The following RIMS2 variants were observed in gnomAD, a reference collection of about 807,000 sequenced individuals.
RIMS2 encodes regulating synaptic membrane exocytosis 2.
Under a neutral mutation model 174.4 loss-of-function variants are expected in RIMS2, and 59 were observed. That is an observed-to-expected ratio of 0.34 (90% CI 0.27 to 0.42). The LOEUF is 0.42. RIMS2 is among the 10% of genes least tolerant of loss of function. The pLI, the probability that RIMS2 is intolerant of heterozygous loss-of-function variation, is 1.00. For missense variants in RIMS2, 1,620 were observed against 1,666.3 expected (o/e 0.97, Z 0.48); for synonymous variants, 606 against 572.5 (o/e 1.06, Z -0.84).
At chr8:103,843,096 C>T (rs148132720) in intron 3 of RIMS2, among the ~76,000 whole-genome samples, 104 of 152,298 alleles carry the variant, frequency 6.8e-4, no homozygotes, top group Non-Finnish European at 1.2e-3. Flanking sequence ...CAAATATAGT[C>T]ACATTCTGAG....
In RIMS2 at chr8:103,923,281, G is replaced by A. The variant is rs148442232; in HGVS notation, c.2196+1497G>A. ...TAAAACTGTGTGTGTGTGTGCGTGCGTGTCTGTCTGTCTGTGTCTGTGTGT... is the reference window on the plus strand; with the variant it reads ...TAAAACTGTGTGTGTGTGTGCGTGCATGTCTGTCTGTCTGTGTCTGTGTGT... On this transcript the variant is annotated intron_variant, in intron 10 of 23. Coordinates refer to ENST00000504942, the Ensembl canonical transcript of RIMS2. Among the ~76,000 whole-genome samples the A allele has an allele frequency of 9.3e-4, 141 of 151,838 alleles. No individual in the cohort carries two copies. In the East Asian group the frequency reaches 0.02, roughly 22 times the overall value.
chr8:103,686,227 C>G (rs1261677420), intron 1 of RIMS2, among the ~76,000 whole-genome samples: 1 of 151,910 alleles, frequency 6.6e-6, no homozygotes, highest in Non-Finnish European at 1.5e-5. Context: ...GAGGTTTTTT[C>G]TTTCTAGTTT....
chr8:103,809,415 A>G (rs1374347149), intron 3 of RIMS2, among the ~76,000 whole-genome samples: 1 of 152,054 alleles, frequency 6.6e-6, no homozygotes, highest in Non-Finnish European at 1.5e-5. Context: ...GCTATATTAC[A>G]GATAAAAACC....
In RIMS2 at chr8:103,623,478, G is replaced by GTTTTTTTTTTTT. The variant is rs71575976; in HGVS notation, c.177-73595_177-73584dup. Among the ~76,000 whole-genome samples, 21 of 83,238 alleles carry GTTTTTTTTTTTT rather than the reference G, an allele frequency of 2.5e-4. 3 individuals carry two copies. The highest frequency in any genetic ancestry group is 7.6e-4 in the East Asian group (2 of 2,644). The allele number at this position is 83,238 out of a possible 152,430, so 54.6% of individuals were successfully genotyped here. A position where few individuals can be genotyped will look rare whatever the true frequency, so the allele number is the denominator to read the frequency against. On this transcript the variant is annotated intron_variant, in intron 1 of 23. Transcript: ENST00000504942. ...TAAAAATTAAACTAGGGTTTCTTCA[G>GTTTTTTTTTTTT]TTTTTTTTTTTTTTTTTTTTTTTTG...
chr8:103,896,545 A>G (rs547452022), intron 4 of RIMS2, among the ~76,000 whole-genome samples: 2 of 151,826 alleles, frequency 1.3e-5, no homozygotes, highest in South Asian at 4.1e-4. Flanking sequence ...ATTTTTGTGA[A>G]GAGAAATAGT....
At chr8:103,578,325 T>G (rs889973091) in intron 1 of RIMS2, among the ~76,000 whole-genome samples, 12 of 151,008 alleles carry the variant, frequency 7.9e-5, no homozygotes, top group African/African-American at 2.4e-4. Flanking sequence ...AAGTCAGGAG[T>G]TCAAGATCAG....
chr8:104,063,406 T>C (rs2097042561), intron 19 of RIMS2, among the ~76,000 whole-genome samples: 1 of 152,170 alleles, frequency 6.6e-6, no homozygotes, highest in Non-Finnish European at 1.5e-5. Flanking sequence ...CATATGACTG[T>C]TTATCAGAAA....
intron 17 of RIMS2, among the ~76,000 whole-genome samples, chr8:103,993,327 A>T (rs1413211394): frequency 2.0e-5 from 3 of 152,144 alleles, no homozygotes; most frequent in African/African-American, 7.2e-5. Flanking sequence ...TGTTGGCAAA[A>T]GATAAATTAC....
chr8:104,066,642 A>G (rs2097110487), intron 19 of RIMS2, among the ~76,000 whole-genome samples: 2 of 152,240 alleles, frequency 1.3e-5, no homozygotes, highest in East Asian at 3.9e-4. Flanking sequence ...GTACTTGACT[A>G]TATTTCACAT....
intron 19 of RIMS2, among the ~76,000 whole-genome samples, chr8:104,221,339 T>C (rs2099154204): frequency 6.6e-6 from 1 of 152,192 alleles, no homozygotes; most frequent in Non-Finnish European, 1.5e-5. Flanking sequence ...TACTGTATTG[T>C]ATTTTTTTAA....
At chr8:104,236,898 A>G (rs1039185822) in intron 19 of RIMS2, among the ~76,000 whole-genome samples, 3 of 152,140 alleles carry the variant, frequency 2.0e-5, no homozygotes, top group Admixed American at 6.6e-5. Flanking sequence ...TCATATATCA[A>G]TATTAGTTAA....
chr8:104,119,530 T>C (rs2098338814), intron 19 of RIMS2, among the ~76,000 whole-genome samples: 1 of 152,224 alleles, frequency 6.6e-6, no homozygotes, highest in African/African-American at 2.4e-5. Context: ...CACCGTATTC[T>C]CTTATTCCTA....
intron 2 of RIMS2, among the ~76,000 whole-genome samples, chr8:103,760,062 T>C (rs2098091705): frequency 6.6e-6 from 1 of 152,132 alleles, no homozygotes; most frequent in Non-Finnish European, 1.5e-5. Flanking sequence ...TTGACAAAAA[T>C]CAGATCAAAA....
chr8:104,180,520 C>A (rs1203943348), intron 19 of RIMS2, among the ~76,000 whole-genome samples: 3 of 151,586 alleles, frequency 2.0e-5, no homozygotes, highest in Non-Finnish European at 3.0e-5. Flanking sequence ...ATCAATATGA[C>A]TAGCTGCTTT....
Position 103,928,936 on chromosome 8 carries a change from G to A in RIMS2, c.2244+1047G>A, listed in dbSNP as rs2079326137. On this transcript the variant is annotated intron_variant, in intron 11 of 23. Coordinates refer to ENST00000504942, the Ensembl canonical transcript of RIMS2. ...AAAGCACAGATAAGAAATTAAGAAT[G>A]TTATAAAGTGATGTACCTAATAAAA... is the stretch of plus-strand genomic sequence containing the variant. Among the ~76,000 whole-genome samples the A allele has an allele frequency of 4.0e-5, 6 of 151,502 alleles. No individual in the cohort carries two copies. In the South Asian group the frequency reaches 1.0e-3, roughly 26 times the overall value.
chr8:103,858,619 A>G (rs1191327847), intron 3 of RIMS2, among the ~76,000 whole-genome samples: 1 of 151,142 alleles, frequency 6.6e-6, no homozygotes, highest in Non-Finnish European at 1.5e-5. Flanking sequence ...GTGTGTGTAT[A>G]TATATATATT....
intron 2 of RIMS2, among the ~76,000 whole-genome samples, chr8:103,717,138 C>CTTTTTTT (rs11373218): frequency 0.012 from 1,392 of 111,786 alleles, no homozygotes; most frequent in East Asian, 0.023. Flanking sequence ...ATAGTGCCTT[C>CTTTTTTT]TTTTTTTTTT....
chr8:104,223,862 C>A, intron 19 of RIMS2: 3 of 1,333,942 alleles, frequency 2.2e-6, no homozygotes, highest in South Asian at 2.5e-5. Context: ...GAGGGTTGGC[C>A]GGGGCAGAGA....
chr8:104,179,159 A>C (rs2098924803), intron 19 of RIMS2, among the ~76,000 whole-genome samples: 1 of 152,078 alleles, frequency 6.6e-6, no homozygotes, highest in African/African-American at 2.4e-5. Flanking sequence ...TGGGCATAAC[A>C]ATAAGAATAC....
Sources: gnomAD v4.1 joint callset for allele counts (sites outside exome capture counted in the v4.1 genomes callset) on GRCh38, gnomAD v4.1.1 for gene constraint, MANE v1.5 for transcripts, NCBI Gene and HGNC (gene_info 2026-07-23, HGNC 2026-07-21) for gene names.